Variants in ADGRL3 observed in about 807,000 individuals in gnomAD.
The protein encoded by ADGRL3 is adhesion G protein-coupled receptor L3.
Under a neutral mutation model 153.5 loss-of-function variants are expected in ADGRL3, and 62 were observed. The observed-to-expected ratio is 0.40, with a 90% CI of 0.33 to 0.50. ADGRL3 has a LOEUF of 0.50. ADGRL3 is among the 20% of genes least tolerant of loss of function. ADGRL3 has a pLI of 0.47. For missense variants in ADGRL3, 1,641 were observed against 1,859.4 expected (o/e 0.88, Z 2.16); for synonymous variants, 710 against 672.5 (o/e 1.06, Z -0.86).
intron 8 of ADGRL3, among the ~76,000 whole-genome samples, chr4:61,789,696 A>C (rs2152427239): frequency 6.6e-6 from 1 of 152,298 alleles, no homozygotes; most frequent in East Asian, 1.9e-4. Flanking sequence ...ATTTTTAAGG[A>C]ATGAAATAAG....
Position 62,021,265 on chromosome 4 carries a change from A to T in ADGRL3, c.3396-7590A>T, listed in dbSNP as rs1171855409. On this transcript the variant is annotated intron_variant, in intron 21 of 26. Transcript: ENST00000683033. Reference sequence around the variant, plus strand: ...TAAAACTACCAAGATCTTTTACTTGATACACACAATGGTCCTGTGAAGGAA... The same window carrying T: ...TAAAACTACCAAGATCTTTTACTTGTTACACACAATGGTCCTGTGAAGGAA... Among the ~76,000 whole-genome samples, 4 of 152,244 alleles carry T rather than the reference A, an allele frequency of 2.6e-5. No homozygotes were observed. The East Asian group carries it at 5.8e-4, about 22-fold the overall frequency.
chr4:61,895,955 T>G lies in ADGRL3; in HGVS notation c.1887+121T>G, dbSNP rs2098628874. On this transcript the variant is annotated intron_variant, in intron 11 of 26. Transcript: ENST00000683033. ...AAATCAATGTAGAAAATTTCACATT[T>G]AATGACAACCTCTAATATGTTATGA... 3 of 529,296 alleles carry G rather than the reference T, an allele frequency of 5.7e-6. No individual in the cohort carries two copies. In the South Asian group the frequency reaches 1.0e-4, roughly 18 times the overall value. The allele number at this position is 529,296 out of a possible 1,614,324, so 32.8% of individuals were successfully genotyped here.
At chr4:61,508,883 A>T (rs1168565881) in intron 3 of ADGRL3, among the ~76,000 whole-genome samples, 1 of 152,112 alleles carries the variant, frequency 6.6e-6, no homozygotes, top group African/African-American at 2.4e-5. Flanking sequence ...TCATGGCGGG[A>T]GGCAAGAGCA....
chr4:61,923,260 G>A (rs2098778569), intron 13 of ADGRL3, among the ~76,000 whole-genome samples: 1 of 152,184 alleles, frequency 6.6e-6, no homozygotes, highest in Admixed American at 6.5e-5. Context: ...CTCTGATACT[G>A]ATTCTTATAA....
rs375396712 is a variant in ADGRL3 at position 61,744,239 on chromosome 4, C to T, written c.1399+10685C>T. ...TCGAACTGGGAGGAGCCCAACACAG[C>T]TCAAGGAGGCCTGCCTGCCTCTGTA... On this transcript the variant is annotated intron_variant, in intron 8 of 26. Transcript: ENST00000683033. Among the ~76,000 whole-genome samples the T allele has an allele frequency of 2.2e-4, 34 of 152,312 alleles. No individual in the cohort carries two copies. In the South Asian group the frequency reaches 6.4e-3, roughly 29 times the overall value.
chr4:61,485,846 C>T (rs1425091673), intron 2 of ADGRL3, among the ~76,000 whole-genome samples: 1 of 151,684 alleles, frequency 6.6e-6, no homozygotes, highest in Non-Finnish European at 1.5e-5. Context: ...GAAATGCATA[C>T]TGTAGCTTAA....
At chr4:61,305,934 G>C (rs190821022) in intron 1 of ADGRL3, among the ~76,000 whole-genome samples, 1 of 152,112 alleles carries the variant, frequency 6.6e-6, no homozygotes, top group African/African-American at 2.4e-5. Flanking sequence ...AGTCATTGTC[G>C]TTATGATTGC....
chr4:61,595,368 T>A (rs1413245555), intron 5 of ADGRL3, among the ~76,000 whole-genome samples: 2 of 152,134 alleles, frequency 1.3e-5, no homozygotes, highest in African/African-American at 4.8e-5. Flanking sequence ...CGTTCTTTAG[T>A]CAGCAGGTAA....
At chr4:61,670,392 T>A (rs1428272971) in intron 5 of ADGRL3, among the ~76,000 whole-genome samples, 2 of 152,188 alleles carry the variant, frequency 1.3e-5, no homozygotes, top group Admixed American at 6.5e-5. Flanking sequence ...TGAGAATTTT[T>A]AAAAATATAG....
chr4:61,575,817 C>G (rs1235691288), intron 4 of ADGRL3, among the ~76,000 whole-genome samples: 4 of 151,972 alleles, frequency 2.6e-5, no homozygotes, highest in African/African-American at 9.7e-5. Flanking sequence ...GTGTAGAAAT[C>G]CAGAACCTTT....
At chr4:61,317,630 G>A (rs2095253960) in intron 1 of ADGRL3, among the ~76,000 whole-genome samples, 1 of 152,136 alleles carries the variant, frequency 6.6e-6, no homozygotes, top group South Asian at 2.1e-4. Flanking sequence ...AATGAGTTGT[G>A]AAATGTGAAT....
intron 13 of ADGRL3, among the ~76,000 whole-genome samples, chr4:61,914,012 A>G (rs920356407): frequency 1.3e-5 from 2 of 152,198 alleles, no homozygotes; most frequent in African/African-American, 2.4e-5. Flanking sequence ...CAAGGCAAAT[A>G]TAATACAGTC....
chr4:61,636,580 C>T (rs1457977663), intron 5 of ADGRL3, among the ~76,000 whole-genome samples: 2 of 151,992 alleles, frequency 1.3e-5, no homozygotes, highest in African/African-American at 2.4e-5. Flanking sequence ...CTCTAAAGCC[C>T]TTATACTACA....
At chr4:61,629,537 T>G (rs1168183933) in intron 5 of ADGRL3, among the ~76,000 whole-genome samples, 2 of 151,158 alleles carry the variant, frequency 1.3e-5, no homozygotes, top group East Asian at 3.9e-4. Flanking sequence ...GCCAACATGG[T>G]AAAATCCCCT....
chr4:62,037,033 G>T (rs1308752644), intron 23 of ADGRL3, among the ~76,000 whole-genome samples: 1 of 151,964 alleles, frequency 6.6e-6, no homozygotes, highest in African/African-American at 2.4e-5. Context: ...ATTTAATCAA[G>T]AATGCTATAA....
chr4:61,227,461 G>A (rs755923073), intron 1 of ADGRL3, among the ~76,000 whole-genome samples: 2 of 151,976 alleles, frequency 1.3e-5, no homozygotes, highest in Admixed American at 6.6e-5. Flanking sequence ...CTTCCTCCTC[G>A]GCCTCCCAAA....
At chr4:62,017,024 G>A (rs2099215272) in intron 21 of ADGRL3, among the ~76,000 whole-genome samples, 1 of 151,438 alleles carries the variant, frequency 6.6e-6, no homozygotes, top group South Asian at 2.1e-4. Context: ...ACTGATTTTT[G>A]CATGTTGATC....
chr4:61,443,773 C>T (rs1197229649), intron 2 of ADGRL3, among the ~76,000 whole-genome samples: 1 of 152,114 alleles, frequency 6.6e-6, no homozygotes, highest in Non-Finnish European at 1.5e-5. Context: ...CATAACTAAT[C>T]TCAAATATCA....
At chr4:61,700,971 C>T (rs964942166) in intron 6 of ADGRL3, among the ~76,000 whole-genome samples, 3 of 152,088 alleles carry the variant, frequency 2.0e-5, no homozygotes, top group Non-Finnish European at 2.9e-5. Flanking sequence ...AAGTAGAGAC[C>T]TGAAGTTTGG....
Sources: gnomAD v4.1 joint callset for allele counts (sites outside exome capture counted in the v4.1 genomes callset) on GRCh38, gnomAD v4.1.1 for gene constraint, MANE v1.5 for transcripts, NCBI Gene and HGNC (gene_info 2026-07-23, HGNC 2026-07-21) for gene names.